Variants in ABHD17A observed in about 807,000 individuals in gnomAD.
The protein encoded by ABHD17A is alpha/beta hydrolase domain-containing protein 17A.
In ABHD17A, 10 loss-of-function variants were observed where a neutral mutation model predicts 26.8. The observed-to-expected ratio is 0.37, with a 90% CI of 0.23 to 0.63. The LOEUF is 0.63. ABHD17A is among the 30% of genes least tolerant of loss of function. ABHD17A has a pLI of 0.61. For synonymous variants in ABHD17A, 167 were observed against 210.9 expected (o/e 0.79, Z 1.80); for missense variants, 292 against 457.3 (o/e 0.64, Z 3.30).
In ABHD17A at chr19:1,879,843, G is replaced by A; in HGVS notation, c.527+78C>T. The A allele has an allele frequency of 6.9e-7, 1 of 1,439,096 alleles. No homozygotes were observed. Among genetic ancestry groups the A allele is most frequent in the South Asian group, 1.2e-5 (1 of 80,438 alleles). The allele number at this position is 1,439,096 out of a possible 1,614,324, so 89.1% of individuals were successfully genotyped here. Reference sequence around the variant, plus strand: ...GCAGGGCCGCCCACCTTCCTCCCAGGGAAGCCCGCCCCCCGGCCCCCCGCC... The same window carrying A: ...GCAGGGCCGCCCACCTTCCTCCCAGAGAAGCCCGCCCCCCGGCCCCCCGCC... On this transcript the variant is annotated intron_variant, in intron 3 of 4. Coordinates refer to ENST00000292577, the MANE Select transcript of ABHD17A (RefSeq NM_001130111.2). This position sits in a 1 kb window ranked among gnomAD's most constrained non-coding sequence, Gnocchi z 7.6.
chr19:1,881,733 C>A lies in ABHD17A; in HGVS notation c.-167G>T, dbSNP rs2012543871. On this transcript the variant is annotated 5_prime_UTR_variant, in exon 2 of 5. Transcript: ENST00000292577. ...GCCCCGTTAGGAGGCCAGGGCCCAGCCCCATCGCGGTCCAAGCCGAGCCCC... is the reference window on the plus strand; with the variant it reads ...GCCCCGTTAGGAGGCCAGGGCCCAGACCCATCGCGGTCCAAGCCGAGCCCC... The A allele has an allele frequency of 1.0e-6, 1 of 994,904 alleles. No homozygotes were observed. The highest frequency in any genetic ancestry group is 1.4e-6 in the Non-Finnish European group (1 of 731,000). The allele number at this position is 994,904 out of a possible 1,614,324, so 61.6% of individuals were successfully genotyped here. A position where few individuals can be genotyped will look rare whatever the true frequency, so the allele number is the denominator to read the frequency against.
intron 2 of ABHD17A, 158 bp downstream of exon 2, chr19:1,881,077 G>T: frequency 6.3e-7 from 1 of 1,590,064 alleles, no homozygotes. Context: ...AGAGGGACGA[G>T]GCCGGCCTGA....
In ABHD17A at chr19:1,877,127, C is replaced by T; in HGVS notation, c.*73G>A. On this transcript the variant is annotated 3_prime_UTR_variant, in exon 5 of 5. Coordinates refer to ENST00000292577, the MANE Select transcript of ABHD17A (RefSeq NM_001130111.2). ...CGCCCGGGGGGTCCACATGCAGCCC[C>T]TGGGTGGGGGCCGGCGCGGGGTGAG... 1.4e-6 allele frequency: 2 copies of T among 1,461,636 alleles called. No homozygotes were observed. The highest frequency in any genetic ancestry group is 2.5e-5 in the South Asian group (2 of 80,400). The allele number at this position is 1,461,636 out of a possible 1,614,324, so 90.5% of individuals were successfully genotyped here.
Position 1,881,621 on chromosome 19 carries a change from C to T in ABHD17A, c.-55G>A, listed in dbSNP as rs1599209395. ...CGGGGCCCCCGCCAACAACGCCGCC[C>T]GGCCTGGCCCGGCAGGGGAGGGGTG... On this transcript the variant is annotated 5_prime_UTR_variant, in exon 2 of 5. Coordinates refer to ENST00000292577, the MANE Select transcript of ABHD17A (RefSeq NM_001130111.2). The T allele has an allele frequency of 2.1e-5, 30 of 1,440,636 alleles. 1 individual carries two copies. In the South Asian group the frequency reaches 2.4e-4, roughly 12 times the overall value. The allele number at this position is 1,440,636 out of a possible 1,614,324, so 89.2% of individuals were successfully genotyped here. A position where few individuals can be genotyped will look rare whatever the true frequency, so the allele number is the denominator to read the frequency against.
rs1040206408 is a variant in ABHD17A at position 1,881,453 on chromosome 19, C to T, written c.114G>A (p.Val38=). The change falls in exon 2 of 5, where the codon GTG becomes GTA. Residue 38 remains valine, a synonymous_variant. Transcript: ENST00000292577. ...FLPPEATYSL[V]PEPEPGPGGA... ...CACCAGGCCCCGGCTCGGGCTCAGG[C>T]ACCAGGGAGTAGGTGGCCTCCGGCG... The T allele has an allele frequency of 2.5e-6, 4 of 1,603,188 alleles. No individual in the cohort carries two copies. The African/African-American group carries it at 5.3e-5, about 21-fold the overall frequency.
rs2012541002 is a variant in ABHD17A at position 1,881,673 on chromosome 19, G to A, written c.-107C>T. On this transcript the variant is annotated 5_prime_UTR_variant, in exon 2 of 5. Transcript: ENST00000292577. ...GGGTGCTCCGAGTCGCGGGCAGGGG[G>A]GAGAGCGCCCCCCCAGCTACCGCCC... 1 of 1,378,742 alleles carries A rather than the reference G, an allele frequency of 7.3e-7. No individual in the cohort carries two copies. Among genetic ancestry groups the A allele is most frequent in the Non-Finnish European group, 9.3e-7 (1 of 1,072,258 alleles). The allele number at this position is 1,378,742 out of a possible 1,614,324, so 85.4% of individuals were successfully genotyped here.
rs1188992010 is a variant in ABHD17A, at chr19:1,877,062, A to G, written c.*138T>C. 1 of 618,952 alleles carries G rather than the reference A, an allele frequency of 1.6e-6. No homozygotes were observed. Among genetic ancestry groups the G allele is most frequent in the Non-Finnish European group, 2.8e-6 (1 of 353,688 alleles). The allele number at this position is 618,952 out of a possible 1,614,324, so 38.3% of individuals were successfully genotyped here. On this transcript the variant is annotated 3_prime_UTR_variant, in exon 5 of 5. Coordinates refer to ENST00000292577, the MANE Select transcript of ABHD17A (RefSeq NM_001130111.2). ...GAGTGCGTAGCTCTGTTGCCTGTACATCGTCCACAGCCCCTGGGTCGGGGC... is the reference window on the plus strand; with the variant it reads ...GAGTGCGTAGCTCTGTTGCCTGTACGTCGTCCACAGCCCCTGGGTCGGGGC...
At chr19:1,878,226 C>T (rs909721000) in intron 3 of ABHD17A, 1 of 155,842 alleles carries the variant, frequency 6.4e-6, no homozygotes, top group Non-Finnish European at 1.4e-5. Flanking sequence ...AGTCCCCACG[C>T]CCAATGAGAT....
chr19:1,883,202 T>G (rs1385351721), intron 1 of ABHD17A: 1 of 151,806 alleles, frequency 6.6e-6, no homozygotes, highest in Non-Finnish European at 1.5e-5. Context: ...AGCCGGGAGG[T>G]GGACTGTCAG....
chr19:1,881,157 C>T, intron 2 of ABHD17A, 78 bp downstream of exon 2: 2 of 1,581,552 alleles, frequency 1.3e-6, no homozygotes, highest in Admixed American at 1.8e-5. Context: ...GCACCACCAA[C>T]CACACCAAGC....
chr19:1,880,270 G>A lies in ABHD17A; in HGVS notation c.333-155C>T, dbSNP rs970622629. 1.3e-5 allele frequency among the ~76,000 whole-genome samples: 2 copies of A among 152,228 alleles called. No individual in the cohort carries two copies. The highest frequency in any genetic ancestry group is 4.8e-5 in the African/African-American group (2 of 41,460). ...GGGGCCAGAAGCCAGTGAATGGAGA[G>A]GGGAGGCTACGACAGCACAGCTCCA... is the stretch of plus-strand genomic sequence containing the variant. On this transcript the variant is annotated intron_variant, in intron 2 of 4. Coordinates refer to ENST00000292577, the MANE Select transcript of ABHD17A (RefSeq NM_001130111.2). The surrounding 1 kb of genome is among the most constrained non-coding windows in gnomAD (Gnocchi z 4.1).
At chr19:1,878,495 C>G (rs979065362) in intron 3 of ABHD17A, 2 of 152,478 alleles carry the variant, frequency 1.3e-5, no homozygotes, top group African/African-American at 4.8e-5. Context: ...GACCCCACAA[C>G]TCTCCTCCCA....
rs775131505 is a variant in ABHD17A at position 1,881,535 on chromosome 19, C to A, written c.32G>T (p.Cys11Phe). The change falls in exon 2 of 5, where the codon TGC becomes TTC. Residue 11 changes from cysteine (C) to phenylalanine (F), a missense_variant. This residue lies in a region of ABHD17A where 171 missense variants were observed against 216.1 expected (regional missense o/e 0.79). Transcript: ENST00000292577. ...GGGGCAGGGCGGGCAGCAGAAGAGG[C>A]AGCAGAGCTCACTCAGCGACAGCCC... MNGLSLSELC[C>F]LFCCPPCPGR... The A allele has an allele frequency of 6.2e-7, 1 of 1,603,160 alleles. No homozygotes were observed. The highest frequency in any genetic ancestry group is 8.5e-7 in the Non-Finnish European group (1 of 1,178,504).
chr19:1,885,086 G>C (rs1239738751), intron 1 of ABHD17A, among the ~76,000 whole-genome samples: 1 of 152,212 alleles, frequency 6.6e-6, no homozygotes, highest in African/African-American at 2.4e-5. Context: ...CGGCTCGGAC[G>C]GGTGCTCCCC....
At position 1,881,414 on chromosome 19, in the gene ABHD17A, G is replaced by A. The variant is rs765981993; in HGVS notation, c.153C>T (p.Ala51=). 5 of 1,602,862 alleles carry A rather than the reference G, an allele frequency of 3.1e-6. No homozygotes were observed. Among genetic ancestry groups the A allele is most frequent in the South Asian group, 1.1e-5 (1 of 90,852 alleles). ...AGGAGGCTCTCAGGGTCCCCAAGGG[G>A]GCGGCCCCGGCCCCACCAGGCCCCG... ...PEPGPGGAGA[A]PLGTLRASSG... The change falls in exon 2 of 5, where the codon GCC becomes GCT. Residue 51 remains alanine (A), a synonymous_variant. Transcript: ENST00000292577.
intron 1 of ABHD17A, chr19:1,882,816 GGAGA>G (rs2012579583): frequency 6.6e-6 from 1 of 152,084 alleles, no homozygotes; most frequent in South Asian, 2.1e-4. Context: ...ACTGGAGCGA[GGAGA>G]GAGACACGCT....
In ABHD17A at chr19:1,880,751, C is replaced by T. The variant is rs1014815249; in HGVS notation, c.332+484G>A. 7 of 1,216,456 alleles carry T rather than the reference C, an allele frequency of 5.8e-6. No individual in the cohort carries two copies. Among genetic ancestry groups the T allele is most frequent in the East Asian group, 2.5e-5 (1 of 39,578 alleles). The allele number at this position is 1,216,456 out of a possible 1,614,324, so 75.4% of individuals were successfully genotyped here. On this transcript the variant is annotated intron_variant, in intron 2 of 4. Coordinates refer to ENST00000292577, the MANE Select transcript of ABHD17A (RefSeq NM_001130111.2). This position sits in a 1 kb window ranked among gnomAD's most constrained non-coding sequence, Gnocchi z 4.1. ...TGCAAGGCCTGTCTGCTTCCCAGCACGGGAGCTGCCCCAGGTGGTGCCAGG... is the reference window on the plus strand; with the variant it reads ...TGCAAGGCCTGTCTGCTTCCCAGCATGGGAGCTGCCCCAGGTGGTGCCAGG...
chr19:1,882,349 T>C (rs2012565646), intron 1 of ABHD17A: 1 of 152,188 alleles, frequency 6.6e-6, no homozygotes, highest in South Asian at 2.1e-4. Flanking sequence ...ACAGAGGAAA[T>C]ACAACAAACA....
Position 1,881,419 on chromosome 19 carries a change from C to A in ABHD17A, c.148G>T (p.Ala50Ser), listed in dbSNP as rs200761633. 1 of 1,501,336 alleles carries A rather than the reference C, an allele frequency of 6.7e-7. No homozygotes were observed. The highest frequency in any genetic ancestry group is 2.3e-5 in the East Asian group (1 of 43,018). 93.0% of individuals were successfully genotyped at this position (1,501,336 alleles called of 1,614,324 possible). Residue 50 changes from alanine to serine, a missense_variant, in exon 2 of 5, where the codon GCC becomes TCC. This residue lies in a region of ABHD17A where 171 missense variants were observed against 216.1 expected (regional missense o/e 0.79). Coordinates refer to ENST00000292577, the MANE Select transcript of ABHD17A (RefSeq NM_001130111.2). ...EPEPGPGGAGAAPLGTLRASS... is the reference protein window; with the variant it reads ...EPEPGPGGAGSAPLGTLRASS... ...GCTCTCAGGGTCCCCAAGGGGGCGG[C>A]CCCGGCCCCACCAGGCCCCGGCTCG...
Sources: allele counts gnomAD v4.1 joint callset (sites outside exome capture counted in the v4.1 genomes callset), GRCh38; gene constraint gnomAD v4.1.1; regional missense constraint gnomAD v4.1.1; non-coding constraint Gnocchi (gnomAD v3.1); transcripts MANE v1.5; gene names NCBI Gene and HGNC (gene_info 2026-07-23, HGNC 2026-07-21).